The following NRG4 variants were observed in gnomAD, a reference collection of about 807,000 sequenced individuals.
The protein encoded by NRG4 is neuregulin 4, also known as pro-neuregulin-4, membrane-bound isoform.
Under a neutral mutation model 15.0 loss-of-function variants are expected in NRG4, and 10 were observed. The ratio of observed to expected loss-of-function variants is 0.67; its 90% CI spans 0.41 to 1.13. The LOEUF is 1.13. Among genes scored for constraint, NRG4 ranks in the 50% most tolerant of loss-of-function variants. NRG4 has a pLI of 0.00. For synonymous variants in NRG4, 41 were observed against 50.1 expected (o/e 0.82, Z 0.77); for missense variants, 139 against 140.2 (o/e 0.99, Z 0.04).
At chr15:76,034,427 T>A (rs1245381023) in intron 5 of NRG4, among the ~76,000 whole-genome samples, 1 of 152,182 alleles carries the variant, frequency 6.6e-6, no homozygotes, top group Non-Finnish European at 1.5e-5. Context: ...CTCAGGAGCA[T>A]CTGCTTTGTC....
At chr15:75,937,618 ATGGTAGGAAAATAT>A (rs1246205660), downstream of NRG4, 3 of 150,120 alleles carry the variant, frequency 2.0e-5, no homozygotes, top group Non-Finnish European at 4.5e-5. Flanking sequence ...CATCTGCAGA[ATGGTAGGAAAATAT>A]TGTGACTTTT....
chr15:75,946,740 C>T (rs2031546184), intron 5 of NRG4, among the ~76,000 whole-genome samples: 1 of 152,160 alleles, frequency 6.6e-6, no homozygotes, highest in African/African-American at 2.4e-5. Context: ...GCCCTGGTGA[C>T]CACCATTCTA....
intron 5 of NRG4, among the ~76,000 whole-genome samples, chr15:76,026,326 C>T (rs774375882): frequency 6.6e-6 from 1 of 152,014 alleles, no homozygotes; most frequent in South Asian, 2.1e-4. Context: ...AGGGAATTCC[C>T]ATTAGTTTGA....
intron 4 of NRG4, among the ~76,000 whole-genome samples, chr15:76,048,626 G>C (rs539784864): frequency 7.3e-5 from 11 of 151,046 alleles, no homozygotes; most frequent in African/African-American, 2.7e-4. Flanking sequence ...GTATAGAAAT[G>C]TAAAGGAGAA....
At chr15:75,964,027 T>C (rs1486968274) in intron 3 of NRG4, among the ~76,000 whole-genome samples, 1 of 152,020 alleles carries the variant, frequency 6.6e-6, no homozygotes, top group South Asian at 2.1e-4. Context: ...AAATTACCAA[T>C]TTTTCCATAG....
At chr15:75,993,483 C>T (rs545582482) in intron 3 of NRG4, among the ~76,000 whole-genome samples, 21 of 150,170 alleles carry the variant, frequency 1.4e-4, no homozygotes, top group Admixed American at 2.7e-4. Context: ...GGACAGATCA[C>T]GAGGTCAGGA....
chr15:75,936,978 A>AAAT (rs1409780655), downstream of NRG4: 1 of 152,220 alleles, frequency 6.6e-6, no homozygotes, highest in Non-Finnish European at 1.5e-5. Flanking sequence ...AATTGAAAGA[A>AAAT]AATATATTTA....
chr15:76,005,196 T>C lies in NRG4; in HGVS notation c.104+4004A>G, dbSNP rs2034552365. On this transcript the variant is annotated intron_variant, in intron 3 of 5. Transcript: ENST00000394907. ...TGATGCCAGGAGTTTGAGACCAGCC[T>C]AGTCAACAGCAAAACCCCATCCTCT... is the stretch of plus-strand genomic sequence containing the variant. Among the ~76,000 whole-genome samples the C allele has an allele frequency of 5.3e-5, 8 of 151,714 alleles. No homozygotes were observed. In the South Asian group the frequency reaches 1.7e-3, roughly 32 times the overall value.
chr15:76,055,379 C>T (rs1555442511), intron 2 of NRG4, among the ~76,000 whole-genome samples: 1 of 152,186 alleles, frequency 6.6e-6, no homozygotes, highest in Non-Finnish European at 1.5e-5. Context: ...AACAAAAACT[C>T]TAAGTGGTCA....
chr15:75,950,544 T>C, intron 5 of NRG4: 1 of 240,390 alleles, frequency 4.2e-6, no homozygotes, highest in Non-Finnish European at 9.2e-6. Context: ...GGTCATCCAT[T>C]TACTGGTACA....
intron 3 of NRG4, among the ~76,000 whole-genome samples, chr15:75,970,748 A>G (rs1354067890): frequency 2.0e-5 from 3 of 152,236 alleles, no homozygotes; most frequent in Non-Finnish European, 4.4e-5. Flanking sequence ...GACAGCAAGA[A>G]AAGGCCTCAC....
downstream of NRG4, chr15:75,935,553 A>G (rs2030259319): frequency 1.3e-5 from 2 of 151,620 alleles, no homozygotes; most frequent in South Asian, 4.2e-4. Flanking sequence ...TCTAAGGAAG[A>G]GGGAAAGTAA....
chr15:76,056,589 C>T lies in NRG4; in HGVS notation c.-262+365G>A, dbSNP rs143824689. 3.2e-3 allele frequency among the ~76,000 whole-genome samples: 484 copies of T among 152,208 alleles called. 2 individuals carry two copies. Among genetic ancestry groups the T allele is most frequent in the Admixed American group, 5.3e-3 (81 of 15,290 alleles). ...ATATATTCCATTTTTCAGGCTTTTA[C>T]CAACTCAGATTGGCTTTCTACCTGT... On this transcript the variant is annotated intron_variant, in intron 2 of 8. Coordinates refer to the NRG4 transcript ENST00000563910.
At chr15:76,012,872 A>T (rs1057161613), upstream of NRG4, among the ~76,000 whole-genome samples, 3 of 152,248 alleles carry the variant, frequency 2.0e-5, no homozygotes, top group Non-Finnish European at 4.4e-5. Flanking sequence ...AAAACTTGTA[A>T]CACCAAGTTC....
At chr15:76,059,036 C>T (rs2036226564) in intron 1 of NRG4, among the ~76,000 whole-genome samples, 1 of 152,088 alleles carries the variant, frequency 6.6e-6, no homozygotes, top group South Asian at 2.1e-4. Context: ...GATGCTGCCT[C>T]CAAGGGGCGC....
At chr15:76,006,070 C>T (rs334938) in intron 3 of NRG4, among the ~76,000 whole-genome samples, 1,801 of 151,948 alleles carry the variant, frequency 0.012, 37 homozygotes, top group African/African-American at 0.04. Flanking sequence ...AATTAGCCTC[C>T]GGGAAAATTG....
intron 5 of NRG4, 47 bp downstream of exon 5, chr15:75,955,885 G>T: frequency 1.9e-6 from 2 of 1,072,332 alleles, no homozygotes; most frequent in East Asian, 2.4e-5. Context: ...AACAACAACA[G>T]TCTCATCTAG....
At position 76,051,737 on chromosome 15, in the gene NRG4, T is replaced by A. The variant is rs539026175; in HGVS notation, c.-105+330A>T. Reference sequence around the variant, plus strand: ...CGCCACCACGCCTGGCTAATCTTTTTTTTTATTTTATTTTTAGTAGAGACG... The same window carrying A: ...CGCCACCACGCCTGGCTAATCTTTTATTTTATTTTATTTTTAGTAGAGACG... On this transcript the variant is annotated intron_variant, in intron 4 of 8. Transcript: ENST00000563910. Among the ~76,000 whole-genome samples, 558 of 150,044 alleles carry A rather than the reference T, an allele frequency of 3.7e-3. 12 individuals carry two copies. The highest frequency in any genetic ancestry group is 6.3e-3 in the Non-Finnish European group (429 of 67,688).
intron 5 of NRG4, among the ~76,000 whole-genome samples, chr15:76,034,891 C>T (rs1180799880): frequency 6.6e-6 from 1 of 152,130 alleles, no homozygotes; most frequent in Non-Finnish European, 1.5e-5. Flanking sequence ...GAGTTCACCC[C>T]CTTCTATAGG....
Sources: gnomAD v4.1 joint callset for allele counts (sites outside exome capture counted in the v4.1 genomes callset) on GRCh38, gnomAD v4.1.1 for gene constraint, MANE v1.5 for transcripts, NCBI Gene and HGNC (gene_info 2026-07-23, HGNC 2026-07-21) for gene names.